NDST4: variants seen among roughly 807,000 people sequenced by gnomAD.
The protein encoded by NDST4 is N-deacetylase and N-sulfotransferase 4.
In NDST4, 63 loss-of-function variants were observed where a neutral mutation model predicts 100.8. The ratio of observed to expected loss-of-function variants is 0.62; its 90% CI spans 0.51 to 0.77. NDST4 has a LOEUF of 0.77. Among genes scored for constraint, NDST4 ranks in the 30% least tolerant of loss-of-function variants. The pLI is 0.00. For missense variants in NDST4, 943 were observed against 1,018.4 expected (o/e 0.93, Z 1.01); for synonymous variants, 377 against 361.8 (o/e 1.04, Z -0.48).
intron 6 of NDST4, among the ~76,000 whole-genome samples, chr4:114,915,330 T>G (rs1469822361): frequency 6.6e-6 from 1 of 152,158 alleles, no homozygotes; most frequent in Non-Finnish European, 1.5e-5. Context: ...TGACTTTGAT[T>G]TTATTTCTTC....
At chr4:114,902,157 C>T (rs1028954550) in intron 6 of NDST4, among the ~76,000 whole-genome samples, 1 of 151,962 alleles carries the variant, frequency 6.6e-6, no homozygotes, top group South Asian at 2.1e-4. Flanking sequence ...TAATTTTACA[C>T]ACTTATTTTT....
chr4:114,990,519 A>G (rs532309708), intron 2 of NDST4, among the ~76,000 whole-genome samples: 1 of 152,188 alleles, frequency 6.6e-6, no homozygotes, highest in Admixed American at 6.6e-5. Flanking sequence ...TGACATTGCA[A>G]ATATCTCTTA....
chr4:114,970,465 C>G lies in NDST4; in HGVS notation c.1186G>C (p.Val396Leu). ...TCCTTGTTGAGAATCATCTGCTCTA[C>G]TAAAGATGACTCGTTGTGGAAGAGG... ...PHLFHNESSL[V>L]EQMILNKEFA... is the part of the protein sequence containing the mutation. Residue 396 changes from valine to leucine, a missense_variant, in exon 4 of 14, where the codon GTA becomes CTA. This residue lies in a region of NDST4 where 526 missense variants were observed against 634.1 expected (regional missense o/e 0.83). Transcript: ENST00000264363. 1 of 1,614,008 alleles carries G rather than the reference C, an allele frequency of 6.2e-7. No homozygotes were observed. The highest frequency in any genetic ancestry group is 8.5e-7 in the Non-Finnish European group (1 of 1,179,912).
intron 2 of NDST4, among the ~76,000 whole-genome samples, chr4:115,039,285 C>T (rs1728298239): frequency 6.6e-6 from 1 of 152,134 alleles, no homozygotes; most frequent in Non-Finnish European, 1.5e-5. Context: ...CATTGCACAT[C>T]AACCTTAGAA....
chr4:115,104,726 A>C lies in NDST4; in HGVS notation c.-247+8718T>G, dbSNP rs548375404. ...CTTTAAGTTAGATTCAATGTTATTA[A>C]TATTAAAATATATGATCAACAATAC... is the stretch of plus-strand genomic sequence containing the variant. On this transcript the variant is annotated intron_variant, in intron 1 of 13. Coordinates refer to ENST00000264363, the MANE Select transcript of NDST4 (RefSeq NM_022569.3). Among the ~76,000 whole-genome samples the C allele has an allele frequency of 8.5e-5, 13 of 152,204 alleles. No individual in the cohort carries two copies. The South Asian group carries it at 2.3e-3, about 27-fold the overall frequency.
At chr4:114,870,552 C>A (rs1319557654) in intron 7 of NDST4, among the ~76,000 whole-genome samples, 1 of 151,966 alleles carries the variant, frequency 6.6e-6, no homozygotes, top group Non-Finnish European at 1.5e-5. Context: ...AACCAAGCAA[C>A]CAACCAAACA....
chr4:114,875,552 T>C (rs923084091), intron 6 of NDST4, among the ~76,000 whole-genome samples: 26 of 152,192 alleles, frequency 1.7e-4, no homozygotes, highest in Non-Finnish European at 3.1e-4. Context: ...AATTGAACTT[T>C]ATGGATAATC....
chr4:114,946,889 T>C (rs754670261), intron 4 of NDST4, among the ~76,000 whole-genome samples: 5 of 152,178 alleles, frequency 3.3e-5, no homozygotes, highest in Non-Finnish European at 7.4e-5. Context: ...ATTAAAATCG[T>C]GGCTACTATT....
At chr4:115,066,317 G>T (rs1578495381) in intron 2 of NDST4, among the ~76,000 whole-genome samples, 1 of 151,954 alleles carries the variant, frequency 6.6e-6, no homozygotes, top group Non-Finnish European at 1.5e-5. Flanking sequence ...AACCCTATTT[G>T]CTTCCATAAA....
Position 115,076,263 on chromosome 4 carries a change from C to A in NDST4, c.774G>T (p.Gln258His), listed in dbSNP as rs769968624. 2.5e-6 allele frequency: 4 copies of A among 1,613,872 alleles called. No homozygotes were observed. The highest frequency in any genetic ancestry group is 2.7e-5 in the African/African-American group (2 of 74,924). ...GAATTCCATCATGAAGCCCCAGATC[C>A]TGAATCACCGTTGCAAAGAGTGTTT... Reference protein sequence around the residue: ...SSKTLFATVIQDLGLHDGIQR... With the variant: ...SSKTLFATVIHDLGLHDGIQR... The change falls in exon 2 of 14, where the codon CAG (glutamine) becomes CAT (histidine). Residue 258 changes from glutamine (Q) to histidine (H), a missense_variant. Gln to His is a conservative substitution (Grantham distance 24, BLOSUM62 0). This residue lies in a region of NDST4 where 417 missense variants were observed against 384.2 expected (regional missense o/e 1.09). Coordinates refer to ENST00000264363, the MANE Select transcript of NDST4 (RefSeq NM_022569.3).
At chr4:114,935,390 C>T in intron 5 of NDST4, 56 bp from the exon 6 acceptor site, 3 of 1,444,252 alleles carry the variant, frequency 2.1e-6, no homozygotes, top group Non-Finnish European at 2.8e-6. Flanking sequence ...AGAACTTCAC[C>T]TGTGTCTCAT....
At chr4:114,983,810 A>G (rs1726835732) in intron 2 of NDST4, among the ~76,000 whole-genome samples, 1 of 152,134 alleles carries the variant, frequency 6.6e-6, no homozygotes, top group African/African-American at 2.4e-5. Context: ...TCAAATTGTA[A>G]TCCCCACATG....
intron 2 of NDST4, among the ~76,000 whole-genome samples, chr4:115,066,707 T>C (rs1466670480): frequency 1.3e-5 from 2 of 152,178 alleles, no homozygotes; most frequent in Non-Finnish European, 2.9e-5. Context: ...AAATAGTACA[T>C]TGAATTCTCA....
intron 6 of NDST4, among the ~76,000 whole-genome samples, chr4:114,903,144 T>C (rs906067495): frequency 4.6e-5 from 7 of 152,088 alleles, no homozygotes; most frequent in African/African-American, 1.7e-4. Context: ...GTATGCTTCG[T>C]AATTTTTTCT....
At chr4:114,852,918 T>G in intron 7 of NDST4, 97 bp from the exon 8 acceptor site, 2 of 756,156 alleles carry the variant, frequency 2.6e-6, no homozygotes, top group Non-Finnish European at 4.3e-6. Flanking sequence ...TCTGGCCTAA[T>G]ACCTTAGAAC....
intron 1 of NDST4, among the ~76,000 whole-genome samples, chr4:115,112,792 G>C (rs939359725): frequency 6.6e-6 from 1 of 151,810 alleles, no homozygotes; most frequent in Non-Finnish European, 1.5e-5. Context: ...AAAGCTTTCT[G>C]TCCTCCTAGG....
rs556398554 is a variant in NDST4 at position 114,836,661 on chromosome 4, C to T, written c.2286+2717G>A. On this transcript the variant is annotated intron_variant, in intron 11 of 13. Transcript: ENST00000264363. The stretch of plus-strand genomic sequence containing the variant: ...GTATTTCTTGAATGTGAATGTTGGC[C>T]TGTCTTGCTAGGTAGGGGAAGTTCT... Among the ~76,000 whole-genome samples, 3 of 152,226 alleles carry T rather than the reference C, an allele frequency of 2.0e-5. No homozygotes were observed. In the East Asian group the frequency reaches 5.8e-4, roughly 29 times the overall value.
intron 4 of NDST4, among the ~76,000 whole-genome samples, chr4:114,942,725 A>G (rs1725776589): frequency 6.6e-6 from 1 of 152,000 alleles, no homozygotes; most frequent in Non-Finnish European, 1.5e-5. Flanking sequence ...TTATGTTGGT[A>G]AATGTTTCCC....
chr4:114,988,315 G>A (rs1008709723), intron 2 of NDST4, among the ~76,000 whole-genome samples: 4 of 140,352 alleles, frequency 2.8e-5, no homozygotes, highest in African/African-American at 5.3e-5. Flanking sequence ...CATATGATAC[G>A]TGGTTGAGTA....
Sources: allele counts gnomAD v4.1 joint callset (sites outside exome capture counted in the v4.1 genomes callset), GRCh38; gene constraint gnomAD v4.1.1; regional missense constraint gnomAD v4.1.1; transcripts MANE v1.5; gene names NCBI Gene and HGNC (gene_info 2026-07-23, HGNC 2026-07-21).